Variants in SHANK2 observed in about 807,000 individuals in gnomAD.
SHANK2 encodes the protein SH3 and multiple ankyrin repeat domains protein 2.
A neutral mutation model predicts 133.7 loss-of-function variants in SHANK2; 43 were observed. That is an observed-to-expected ratio of 0.32 (90% CI 0.25 to 0.41). SHANK2 has a LOEUF of 0.41. SHANK2 is among the 10% of genes least tolerant of loss of function. The pLI is 1.00. For synonymous variants in SHANK2, 1,017 were observed against 952.8 expected, an observed-to-expected ratio of 1.07 and a Z score of -1.24; for missense variants, 1,994 against 2,235.8, an observed-to-expected ratio of 0.89 and a Z score of 2.18.
intron 21 of SHANK2, 129 bp from the exon 22 acceptor site, chr11:70,492,594 G>A: frequency 8.2e-7 from 1 of 1,220,360 alleles, no homozygotes; most frequent in Non-Finnish European, 1.2e-6. Context: ...TTGCTGCTGT[G>A]AGGAGCATGC....
At position 70,807,706 on chromosome 11, in the gene SHANK2, T is replaced by G. The variant is rs529780840; in HGVS notation, c.1494-535A>C. Among the ~76,000 whole-genome samples, 21 of 152,210 alleles carry G rather than the reference T, an allele frequency of 1.4e-4. No individual in the cohort carries two copies. The East Asian group carries it at 3.5e-3, about 25-fold the overall frequency. ...ATAGCAGGGTGTGGTGGTGAGCACC[T>G]GTAATCCGGGCTACTGGAGAGGCTG... is the stretch of plus-strand genomic sequence containing the variant. On this transcript the variant is annotated intron_variant, in intron 12 of 25. Transcript: ENST00000601538. The surrounding 1 kb of genome is among the most constrained non-coding windows in gnomAD (Gnocchi z 4.8).
intron 17 of SHANK2, among the ~76,000 whole-genome samples, chr11:70,607,988 G>A (rs2060602278): frequency 6.6e-6 from 1 of 152,194 alleles, no homozygotes; most frequent in African/African-American, 2.4e-5. Flanking sequence ...TCTGACCAGA[G>A]AGGCTGAGTG....
intron 11 of SHANK2, among the ~76,000 whole-genome samples, chr11:70,867,644 C>T (rs1949389105): frequency 6.6e-6 from 1 of 152,212 alleles, no homozygotes; most frequent in South Asian, 2.1e-4. Flanking sequence ...GATTTGTATT[C>T]ATTACCCACT....
chr11:70,473,617 G>A lies in SHANK2; in HGVS notation c.4980-178C>T. The A allele has an allele frequency of 1.4e-6, 1 of 708,462 alleles. No individual in the cohort carries two copies. Among genetic ancestry groups the A allele is most frequent in the South Asian group, 1.5e-5 (1 of 64,776 alleles). 43.9% of individuals were successfully genotyped at this position (708,462 alleles called of 1,614,324 possible). On this transcript the variant is annotated intron_variant, in intron 25 of 25. Coordinates refer to ENST00000601538, the MANE Select transcript of SHANK2 (RefSeq NM_012309.5). This position sits in a 1 kb window ranked among gnomAD's most constrained non-coding sequence, Gnocchi z 5.9. ...CCAGGGTGGGGGAGGGGGAGAAAGG[G>A]GCCAGAGCAAAGTTGGAGACACCAG...
chr11:70,508,433 G>C (rs1358882374), intron 17 of SHANK2, among the ~76,000 whole-genome samples: 1 of 152,228 alleles, frequency 6.6e-6, no homozygotes, highest in Admixed American at 6.5e-5. Context: ...CATCATCTCT[G>C]TGTCCCCAGA....
chr11:71,169,154 G>A (rs1434976223), intron 2 of SHANK2, among the ~76,000 whole-genome samples: 2 of 152,340 alleles, frequency 1.3e-5, no homozygotes, highest in South Asian at 2.1e-4. Flanking sequence ...GAGACACTTG[G>A]TTGGTTACAA....
At chr11:71,074,773 ATTTTTTTTTT>A (rs36140840) in intron 9 of SHANK2, among the ~76,000 whole-genome samples, 1 of 92,524 alleles carries the variant, frequency 1.1e-5, no homozygotes, top group East Asian at 3.4e-4. Context: ...ACCTAAGCCA[ATTTTTTTTTT>A]TTTTTTTTTT....
At position 71,063,132 on chromosome 11, in the gene SHANK2, A is replaced by G. The variant is rs1951008229; in HGVS notation, c.1030-6574T>C. On this transcript the variant is annotated intron_variant, in intron 9 of 25. Transcript: ENST00000601538. ...AAAGAAAGAAAAAGTAAAGAAAATA[A>G]AATTCCCTATTATAAAGGACATGTA... 2.0e-5 allele frequency among the ~76,000 whole-genome samples: 3 copies of G among 152,196 alleles called. No homozygotes were observed. In the South Asian group the frequency reaches 6.2e-4, roughly 32 times the overall value.
At chr11:71,108,457 ACCCACCCCTG>A (rs1468802922) in intron 6 of SHANK2, among the ~76,000 whole-genome samples, 1 of 151,346 alleles carries the variant, frequency 6.6e-6, no homozygotes, top group Non-Finnish European at 1.5e-5. Flanking sequence ...ATGCCCTACT[ACCCACCCCTG>A]CCCACCACAT....
intron 3 of SHANK2, among the ~76,000 whole-genome samples, chr11:71,119,567 A>T (rs1333006711): frequency 7.9e-6 from 1 of 127,330 alleles, no homozygotes; most frequent in Non-Finnish European, 1.7e-5. Flanking sequence ...CGACAAGGCG[A>T]GACTCCATCT....
chr11:70,723,395 C>T (rs1555029726), intron 14 of SHANK2, among the ~76,000 whole-genome samples: 1 of 151,956 alleles, frequency 6.6e-6, no homozygotes, highest in Non-Finnish European at 1.5e-5. Flanking sequence ...CAGGTGGCCT[C>T]TGGTTGCTGA....
At chr11:70,951,099 CCT>C (rs1950828906) in intron 10 of SHANK2, 2 of 339,524 alleles carry the variant, frequency 5.9e-6, no homozygotes, top group Admixed American at 4.5e-5. Context: ...ATTCATCTCC[CCT>C]GACTGCTGCA....
chr11:70,869,356 T>G (rs931619575), intron 11 of SHANK2, among the ~76,000 whole-genome samples: 2 of 152,172 alleles, frequency 1.3e-5, no homozygotes, highest in Non-Finnish European at 2.9e-5. Context: ...GGGAGGACAA[T>G]GTATCGGTCC....
intron 15 of SHANK2, among the ~76,000 whole-genome samples, chr11:70,686,491 G>T (rs1367444559): frequency 6.6e-6 from 1 of 151,134 alleles, no homozygotes; most frequent in Non-Finnish European, 1.5e-5. Flanking sequence ...CTTCCTTCCA[G>T]CCATCCATCA....
chr11:71,239,030 G>A (rs917701957), intron 1 of SHANK2, among the ~76,000 whole-genome samples: 3 of 152,234 alleles, frequency 2.0e-5, no homozygotes, highest in Non-Finnish European at 2.9e-5. Flanking sequence ...CCCAACTCAC[G>A]GTTTCACAAG....
At chr11:70,704,650 G>A (rs1945618750) in intron 14 of SHANK2, among the ~76,000 whole-genome samples, 1 of 152,190 alleles carries the variant, frequency 6.6e-6, no homozygotes, top group Non-Finnish European at 1.5e-5. Context: ...ACGGGCTATG[G>A]CCACCATTCA....
intron 10 of SHANK2, among the ~76,000 whole-genome samples, chr11:70,952,463 A>AC (rs1276678727): frequency 6.6e-6 from 1 of 152,202 alleles, no homozygotes; most frequent in Non-Finnish European, 1.5e-5. Flanking sequence ...GTGGATAGAC[A>AC]CAAGCTGTCT....
intron 15 of SHANK2, among the ~76,000 whole-genome samples, chr11:70,681,422 G>A (rs566176952): frequency 2.0e-5 from 3 of 152,190 alleles, no homozygotes; most frequent in Admixed American, 1.3e-4. Context: ...TCAGATTCCC[G>A]GCCCAGAAAC....
intron 2 of SHANK2, among the ~76,000 whole-genome samples, chr11:71,217,844 T>G (rs1954444812): frequency 6.6e-6 from 1 of 151,992 alleles, no homozygotes; most frequent in Admixed American, 6.6e-5. Flanking sequence ...TGCAAAAGAG[T>G]CAAGAGGTTT....
Sources: allele counts gnomAD v4.1 joint callset (sites outside exome capture counted in the v4.1 genomes callset), GRCh38; gene constraint gnomAD v4.1.1; non-coding constraint Gnocchi (gnomAD v3.1); transcripts MANE v1.5; gene names NCBI Gene and HGNC (gene_info 2026-07-23, HGNC 2026-07-21).